The following HIPK3 variants were observed in gnomAD, a reference collection of about 807,000 sequenced individuals.
HIPK3 encodes the protein homeodomain interacting protein kinase 3, also known as homeodomain-interacting protein kinase 3.
In HIPK3, 47 loss-of-function variants were observed where a neutral mutation model predicts 124.2. The observed-to-expected ratio is 0.38, with a 90% CI of 0.30 to 0.48. The LOEUF (loss-of-function observed/expected upper bound fraction) is 0.48. Among genes scored for constraint, HIPK3 ranks in the 20% least tolerant of loss-of-function variants. The pLI is 0.98. For missense variants in HIPK3, 1,286 were observed against 1,454.3 expected, an observed-to-expected ratio of 0.88 and a Z score of 1.88; for synonymous variants, 482 against 515.2, an observed-to-expected ratio of 0.94 and a Z score of 0.87.
In HIPK3 at chr11:33,257,437, C is replaced by G; in HGVS notation, c.-455C>G. 1 of 985,638 alleles carries G rather than the reference C, an allele frequency of 1.0e-6. No homozygotes were observed. The highest frequency in any genetic ancestry group is 1.2e-6 in the Non-Finnish European group (1 of 830,170). The allele number at this position is 985,638 out of a possible 1,614,324, so 61.1% of individuals were successfully genotyped here. A position where few individuals can be genotyped will look rare whatever the true frequency, so the allele number is the denominator to read the frequency against. On this transcript the variant is annotated 5_prime_UTR_variant, in exon 1 of 17. Coordinates refer to ENST00000303296, the MANE Select transcript of HIPK3 (RefSeq NM_005734.5). ...ATCGCGGCGACCTGAGGAGATCAAG[C>G]CGCAGGCCCCGCCGTCGCCACCACT...
intron 2 of HIPK3, among the ~76,000 whole-genome samples, chr11:33,292,775 G>A (rs188785614): frequency 0.01 from 1,560 of 152,210 alleles, 7 homozygotes; most frequent in Non-Finnish European, 0.015. Context: ...TCGCTCTGTT[G>A]CCCAGGCTGG....
intron 1 of HIPK3, chr11:33,258,644 G>GA (rs1226104902): frequency 1.0e-6 from 1 of 985,292 alleles, no homozygotes; most frequent in East Asian, 1.1e-4. Flanking sequence ...GACTTTGGAT[G>GA]AAAATGTCTG....
At chr11:33,350,817 G>A (rs896863671) in intron 14 of HIPK3, among the ~76,000 whole-genome samples, 1 of 152,108 alleles carries the variant, frequency 6.6e-6, no homozygotes, top group African/African-American at 2.4e-5. Context: ...TATAGCCAAA[G>A]CTCTATGGAA....
chr11:33,301,915 A>AT (rs566074333), intron 2 of HIPK3, among the ~76,000 whole-genome samples: 1 of 151,438 alleles, frequency 6.6e-6, no homozygotes, highest in Non-Finnish European at 1.5e-5. Flanking sequence ...ATGAGAATAT[A>AT]TTTTAGATAG....
intron 2 of HIPK3, among the ~76,000 whole-genome samples, chr11:33,318,495 C>T (rs562453516): frequency 2.0e-5 from 3 of 152,214 alleles, no homozygotes; most frequent in Admixed American, 1.3e-4. Context: ...AGTTACTTAC[C>T]CTTTGTCTGT....
intron 1 of HIPK3, among the ~76,000 whole-genome samples, chr11:33,273,482 C>T (rs1324396344): frequency 8.3e-6 from 1 of 119,972 alleles, no homozygotes; most frequent in Non-Finnish European, 1.6e-5. Flanking sequence ...GCACCTCCAG[C>T]CTGGGCGACA....
chr11:33,286,776 G>T lies in HIPK3; in HGVS notation c.362G>T (p.Gly121Val), dbSNP rs748752873. The T allele has an allele frequency of 6.2e-7, 1 of 1,614,058 alleles. No individual in the cohort carries two copies. Among genetic ancestry groups the T allele is most frequent in the Admixed American group, 1.7e-5 (1 of 60,006 alleles). The change falls in exon 2 of 17, where the codon GGC (glycine) becomes GTC (valine). Residue 121 changes from glycine (G) to valine (V), a missense_variant. Around this residue, in one of 3 missense-constraint regions of HIPK3, gnomAD observed 225 missense variants for 240.3 expected, o/e 0.94. Coordinates refer to ENST00000303296, the MANE Select transcript of HIPK3 (RefSeq NM_005734.5). ...CGAAACAGATTGCATTTCCTAGAAG[G>T]CCCCCAGCGATGTGGATTGAAGCGC... ...AWRNRLHFLE[G>V]PQRCGLKRKS...
chr11:33,272,399 CA>C (rs879333622), intron 1 of HIPK3, among the ~76,000 whole-genome samples: 76 of 137,174 alleles, frequency 5.5e-4, no homozygotes, highest in Admixed American at 8.7e-4. Context: ...ACTCCGTCTC[CA>C]AAAAAAAAAA....
chr11:33,265,807 C>T (rs1308994493), intron 1 of HIPK3, among the ~76,000 whole-genome samples: 2 of 145,336 alleles, frequency 1.4e-5, no homozygotes, highest in Non-Finnish European at 3.0e-5. Context: ...CAAAATGGGC[C>T]GGGCACGGTG....
intron 1 of HIPK3, among the ~76,000 whole-genome samples, chr11:33,261,831 C>G (rs2093438226): frequency 6.6e-6 from 1 of 152,184 alleles, no homozygotes; most frequent in South Asian, 2.1e-4. Flanking sequence ...TTTACATTCC[C>G]ACCAACAGTG....
At chr11:33,261,112 A>T (rs919932929) in intron 1 of HIPK3, among the ~76,000 whole-genome samples, 5 of 128,330 alleles carry the variant, frequency 3.9e-5, no homozygotes, top group East Asian at 2.1e-4. Context: ...ATATATATAT[A>T]CATAAAATAT....
chr11:33,266,507 G>A (rs186428681), intron 1 of HIPK3, among the ~76,000 whole-genome samples: 2 of 152,124 alleles, frequency 1.3e-5, no homozygotes, highest in African/African-American at 4.8e-5. Flanking sequence ...AGACCAGCTT[G>A]TGCAACATGC....
intron 1 of HIPK3, among the ~76,000 whole-genome samples, chr11:33,263,893 C>G (rs914011216): frequency 2.0e-5 from 3 of 152,126 alleles, no homozygotes; most frequent in Admixed American, 2.0e-4. Context: ...GTCTTATGTT[C>G]CAGGACTAAT....
intron 8 of HIPK3, among the ~76,000 whole-genome samples, chr11:33,346,782 T>G (rs1481348506): frequency 6.6e-6 from 1 of 152,226 alleles, no homozygotes; most frequent in Non-Finnish European, 1.5e-5. Flanking sequence ...AGGGAAGCTT[T>G]ATGATAATTT....
At position 33,304,841 on chromosome 11, in the gene HIPK3, T is replaced by C. The variant is rs79175342; in HGVS notation, c.1097+17330T>C. On this transcript the variant is annotated intron_variant, in intron 2 of 16. Transcript: ENST00000303296. ...TCAAAGCATATGTACCTTTTGACCT[T>C]TTGCTCATGGACGCTGCCGGATTTC... Among the ~76,000 whole-genome samples the C allele has an allele frequency of 3.9e-4, 59 of 152,294 alleles. No individual in the cohort carries two copies. In the East Asian group the frequency reaches 0.011, roughly 27 times the overall value.
chr11:33,270,195 T>G (rs985538610), intron 1 of HIPK3, among the ~76,000 whole-genome samples: 2 of 151,962 alleles, frequency 1.3e-5, no homozygotes, highest in Admixed American at 6.6e-5. Flanking sequence ...GCCAGGCCGG[T>G]CTCAAACTCC....
intron 2 of HIPK3, 147 bp from the exon 3 acceptor site, chr11:33,328,363 G>C: frequency 1.5e-6 from 1 of 683,158 alleles, no homozygotes; most frequent in Middle Eastern, 4.4e-4. Flanking sequence ...ATTATGTCTA[G>C]GTTTCAAAGA....
At chr11:33,260,268 C>A (rs555190209) in intron 1 of HIPK3, among the ~76,000 whole-genome samples, 49 of 152,162 alleles carry the variant, frequency 3.2e-4, no homozygotes, top group African/African-American at 1.1e-3. Flanking sequence ...ATGTTTAATG[C>A]AAGATATGGA....
At chr11:33,316,802 T>A (rs1852515849) in intron 2 of HIPK3, among the ~76,000 whole-genome samples, 1 of 152,124 alleles carries the variant, frequency 6.6e-6, no homozygotes, top group African/African-American at 2.4e-5. Flanking sequence ...CAGCCTGGGC[T>A]ATAGACAAGA....
Sources: allele counts gnomAD v4.1 joint callset (sites outside exome capture counted in the v4.1 genomes callset), GRCh38; gene constraint gnomAD v4.1.1; regional missense constraint gnomAD v4.1.1; transcripts MANE v1.5; gene names NCBI Gene and HGNC (gene_info 2026-07-23, HGNC 2026-07-21).